PTPRE: variants seen among roughly 807,000 people sequenced by gnomAD.
PTPRE encodes protein tyrosine phosphatase receptor type E, also known as receptor-type tyrosine-protein phosphatase epsilon.
PTPRE carries 51 observed loss-of-function variants against 102.0 expected under a neutral mutation model. The observed-to-expected ratio is 0.50, with a 90% CI of 0.40 to 0.63. The LOEUF (loss-of-function observed/expected upper bound fraction) is 0.63, where lower values mean the gene tolerates loss of function less well. Among genes scored for constraint, PTPRE ranks in the 30% least tolerant of loss-of-function variants. The pLI is 0.00. For synonymous variants in PTPRE, 345 were observed against 348.2 expected, an observed-to-expected ratio of 0.99 and a Z score of 0.10; for missense variants, 752 against 915.1, an observed-to-expected ratio of 0.82 and a Z score of 2.30.
chr10:127,945,611 T>C (rs891094375), intron 1 of PTPRE, among the ~76,000 whole-genome samples: 2 of 152,176 alleles, frequency 1.3e-5, no homozygotes, highest in African/African-American at 4.8e-5. Flanking sequence ...CTCAGGGAAG[T>C]AGGTCATATG....
chr10:127,974,881 TC>T (rs2061935074), intron 1 of PTPRE, among the ~76,000 whole-genome samples: 1 of 100,588 alleles, frequency 9.9e-6, no homozygotes, highest in African/African-American at 2.7e-5. Context: ...AAAATGTGGA[TC>T]ATACCTCCCC....
chr10:127,924,879 A>C (rs923579196), intron 1 of PTPRE, among the ~76,000 whole-genome samples: 2 of 152,388 alleles, frequency 1.3e-5, no homozygotes, highest in South Asian at 2.1e-4. Flanking sequence ...TAAGCAAAGC[A>C]AGAAAACCTC....
At chr10:127,939,272 A>T (rs996785423) in intron 1 of PTPRE, among the ~76,000 whole-genome samples, 1 of 152,216 alleles carries the variant, frequency 6.6e-6, no homozygotes, top group Non-Finnish European at 1.5e-5. Flanking sequence ...TAAAGAATTC[A>T]TCTTGGAATC....
At chr10:128,062,490 G>A (rs574331223) in intron 9 of PTPRE, among the ~76,000 whole-genome samples, 18 of 152,354 alleles carry the variant, frequency 1.2e-4, no homozygotes, top group Non-Finnish European at 1.8e-4. Context: ...GCCCACGGCA[G>A]GACAGCAGCA....
intron 12 of PTPRE, 92 bp downstream of exon 12, chr10:128,068,378 G>C (rs1850468556): frequency 6.9e-7 from 1 of 1,444,440 alleles, no homozygotes; most frequent in Non-Finnish European, 9.4e-7. Context: ...ACCAATATCA[G>C]GGTGGGCAGA....
intron 1 of PTPRE, among the ~76,000 whole-genome samples, chr10:127,967,016 C>A (rs887957317): frequency 6.6e-6 from 1 of 151,356 alleles, no homozygotes; most frequent in Non-Finnish European, 1.5e-5. Flanking sequence ...CGTTTTGTGG[C>A]AAACAAACAA....
intron 2 of PTPRE, among the ~76,000 whole-genome samples, chr10:128,036,589 C>A (rs570060163): frequency 1.3e-5 from 2 of 152,056 alleles, no homozygotes; most frequent in African/African-American, 4.8e-5. Context: ...TTGTCCTTGT[C>A]TCAGCTAATG....
chr10:128,059,042 G>A (rs1434851785), intron 7 of PTPRE, among the ~76,000 whole-genome samples: 1 of 152,204 alleles, frequency 6.6e-6, no homozygotes, highest in African/African-American at 2.4e-5. Context: ...AGGAAATAAT[G>A]TTTTGAATGT....
At chr10:127,986,756 G>A (rs1852122848) in intron 2 of PTPRE, among the ~76,000 whole-genome samples, 1 of 152,034 alleles carries the variant, frequency 6.6e-6, no homozygotes, top group Non-Finnish European at 1.5e-5. Context: ...TGACAGGCAG[G>A]GGGACCACCC....
chr10:127,966,394 C>G (rs1287270794), intron 1 of PTPRE, among the ~76,000 whole-genome samples: 2 of 152,104 alleles, frequency 1.3e-5, no homozygotes, highest in African/African-American at 4.8e-5. Context: ...GATATTACAG[C>G]CAAAATACAC....
intron 2 of PTPRE, among the ~76,000 whole-genome samples, chr10:128,016,102 G>C (rs1468738526): frequency 2.0e-5 from 3 of 152,154 alleles, no homozygotes; most frequent in Non-Finnish European, 4.4e-5. Context: ...CAAGAAGGAG[G>C]TGTCTAGGAT....
chr10:127,935,571 C>T (rs1343060141), intron 1 of PTPRE, among the ~76,000 whole-genome samples: 3 of 152,114 alleles, frequency 2.0e-5, no homozygotes, highest in Admixed American at 6.5e-5. Context: ...TTTCTTCCCG[C>T]GGGGACCCTT....
intron 1 of PTPRE, among the ~76,000 whole-genome samples, chr10:127,977,592 T>C (rs1851277750): frequency 6.6e-6 from 1 of 152,236 alleles, no homozygotes. Flanking sequence ...GTTCTGTTCA[T>C]CTCAGAAGTA....
chr10:127,953,058 A>C (rs1038826696), intron 1 of PTPRE, among the ~76,000 whole-genome samples: 5 of 152,212 alleles, frequency 3.3e-5, no homozygotes, highest in Admixed American at 3.3e-4. Context: ...GTGCCTAGTG[A>C]AACTATTTGG....
At chr10:127,965,340 A>G (rs1022856510) in intron 1 of PTPRE, among the ~76,000 whole-genome samples, 6 of 150,184 alleles carry the variant, frequency 4.0e-5, no homozygotes, top group African/African-American at 1.5e-4. Context: ...TTCTGTGGCT[A>G]TTTTAAGTAT....
chr10:127,959,746 G>A (rs1044154315), intron 1 of PTPRE, among the ~76,000 whole-genome samples: 7 of 152,102 alleles, frequency 4.6e-5, no homozygotes, highest in Non-Finnish European at 7.4e-5. Context: ...TTCCCAGCAG[G>A]GTGACTTAGG....
chr10:127,948,042 T>C (rs943073509), intron 1 of PTPRE, among the ~76,000 whole-genome samples: 1 of 151,214 alleles, frequency 6.6e-6, no homozygotes, highest in Non-Finnish European at 1.5e-5. Context: ...TGCCCAAGGG[T>C]TTGGGTTTTC....
chr10:128,061,209 A>G lies in PTPRE; in HGVS notation c.588+194A>G, dbSNP rs1849561523. Among the ~76,000 whole-genome samples, 1 of 152,246 alleles carries G rather than the reference A, an allele frequency of 6.6e-6. No homozygotes were observed. Among genetic ancestry groups the G allele is most frequent in the African/African-American group, 2.4e-5 (1 of 41,470 alleles). On this transcript the variant is annotated intron_variant, in intron 8 of 20. Coordinates refer to ENST00000254667, the MANE Select transcript of PTPRE (RefSeq NM_006504.6). Reference sequence around the variant, plus strand: ...GGGAATTTGAATTCAAGAGACAGAGATGATCACAGAGGATGTTCACTACAG... The same window carrying G: ...GGGAATTTGAATTCAAGAGACAGAGGTGATCACAGAGGATGTTCACTACAG...
At chr10:128,076,401 A>C (rs1851209793) in intron 17 of PTPRE, among the ~76,000 whole-genome samples, 1 of 152,062 alleles carries the variant, frequency 6.6e-6, no homozygotes, top group African/African-American at 2.4e-5. Flanking sequence ...GGTTTCATAT[A>C]TATATGTGTC....
Sources: allele counts gnomAD v4.1 joint callset (sites outside exome capture counted in the v4.1 genomes callset), GRCh38; gene constraint gnomAD v4.1.1; transcripts MANE v1.5; gene names NCBI Gene and HGNC (gene_info 2026-07-23, HGNC 2026-07-21).